BRDT: variants seen among roughly 807,000 people sequenced by gnomAD.
The protein encoded by BRDT is bromodomain testis associated.
In BRDT, 77 loss-of-function variants were observed where a neutral mutation model predicts 113.9. The ratio of observed to expected loss-of-function variants is 0.68; its 90% CI spans 0.56 to 0.82. The LOEUF is 0.82. Ranked by LOEUF, BRDT falls within the 40% of genes least tolerant of loss-of-function variation. The probability of loss-of-function intolerance (pLI) is 0.00; values close to 1 mark genes in which losing one functional copy is unlikely to be tolerated. For synonymous variants in BRDT, 358 were observed against 366.5 expected (o/e 0.98, Z 0.26); for missense variants, 1,027 against 1,105.4 (o/e 0.93, Z 1.01).
chr1:92,002,343 G>C (rs1413323871), intron 16 of BRDT, among the ~76,000 whole-genome samples, 194 bp downstream of exon 16: 1 of 151,766 alleles, frequency 6.6e-6, no homozygotes, highest in African/African-American at 2.4e-5. Context: ...ACCTATCATT[G>C]GTCCTCTTGT....
intron 2 of BRDT, 46 bp from the exon 3 acceptor site, chr1:91,964,581 A>T: frequency 8.5e-7 from 1 of 1,179,014 alleles, no homozygotes; most frequent in Admixed American, 2.5e-5. Context: ...CAATAGTTGT[A>T]GTGTATTCAT....
At chr1:91,987,892 C>A (rs1685406513) in intron 12 of BRDT, among the ~76,000 whole-genome samples, 1 of 152,048 alleles carries the variant, frequency 6.6e-6, no homozygotes, top group Non-Finnish European at 1.5e-5. Context: ...CAGTTTCACC[C>A]AGGCTGGAGT....
chr1:91,991,991 CAAAAAAAAAAAAAA>C (rs764759925), intron 13 of BRDT, among the ~76,000 whole-genome samples: 7 of 67,740 alleles, frequency 1.0e-4, no homozygotes, highest in South Asian at 7.8e-4. Context: ...GACTCTGTCT[CAAAAAAAAAAAAAA>C]AAAAAAAAAA....
chr1:91,961,544 G>A (rs1467713828), intron 1 of BRDT, among the ~76,000 whole-genome samples: 7 of 151,662 alleles, frequency 4.6e-5, no homozygotes, highest in Non-Finnish European at 7.4e-5. Context: ...CTAGAGAATC[G>A]CTTGAACCTG....
chr1:91,972,423 A>C (rs1683716592), intron 4 of BRDT, among the ~76,000 whole-genome samples: 1 of 152,178 alleles, frequency 6.6e-6, no homozygotes, highest in Non-Finnish European at 1.5e-5. Flanking sequence ...AACACTTAGC[A>C]TCACTTGTAC....
chr1:91,957,336 A>G (rs1681889753), intron 1 of BRDT, among the ~76,000 whole-genome samples: 1 of 152,150 alleles, frequency 6.6e-6, no homozygotes, highest in African/African-American at 2.4e-5. Context: ...TACTAAAAAT[A>G]CAAAAAACTA....
At chr1:91,968,385 A>C in intron 4 of BRDT, 125 bp downstream of exon 4, 1 of 1,346,542 alleles carries the variant, frequency 7.4e-7, no homozygotes, top group Non-Finnish European at 9.9e-7. Context: ...CTATTAATAA[A>C]AAATGTCCAT....
chr1:91,958,081 G>A (rs577389735), intron 1 of BRDT, among the ~76,000 whole-genome samples: 1 of 152,282 alleles, frequency 6.6e-6, no homozygotes, highest in African/African-American at 2.4e-5. Flanking sequence ...GACCTCAAAT[G>A]ATCCACCTGC....
intron 18 of BRDT, among the ~76,000 whole-genome samples, chr1:92,013,772 C>T (rs1688000954): frequency 6.6e-6 from 1 of 152,194 alleles, no homozygotes; most frequent in African/African-American, 2.4e-5. Context: ...ATAGTTTTAG[C>T]ATTACATATT....
Position 91,979,570 on chromosome 1 carries a change from A to G in BRDT, c.1100A>G (p.Asp367Gly), listed in dbSNP as rs758328051. ...TAACAAACTAATTTTTCATTACAGG[A>G]TGTTTTCGAAACGCATTTTTCAAAG... is the stretch of plus-strand genomic sequence containing the variant. The part of the protein sequence containing the change: ...EVVTMARMLQ[D>G]VFETHFSKIP... The change falls in exon 8 of 19, where the codon GAT becomes GGT. Residue 367 changes from aspartate (D) to glycine (G), a missense_variant and splice_region_variant. Transcript: ENST00000399546. 6.2e-6 allele frequency: 10 copies of G among 1,606,490 alleles called. No homozygotes were observed. The South Asian group carries it at 1.0e-4, about 16-fold the overall frequency.
chr1:91,973,853 T>C (rs968049819), intron 4 of BRDT, among the ~76,000 whole-genome samples: 1 of 152,168 alleles, frequency 6.6e-6, no homozygotes, highest in Non-Finnish European at 1.5e-5. Context: ...CCCTGTCTTG[T>C]GCAAGTTTTC....
intron 1 of BRDT, among the ~76,000 whole-genome samples, chr1:91,960,213 T>C (rs765235781): frequency 2.6e-5 from 4 of 152,098 alleles, no homozygotes; most frequent in Non-Finnish European, 5.9e-5. Context: ...TCCAAAAGAA[T>C]TGAAAGCAGG....
chr1:91,987,847 T>G lies in BRDT; in HGVS notation c.2003-3337T>G, dbSNP rs1179866547. On this transcript the variant is annotated intron_variant, in intron 12 of 18. Coordinates refer to ENST00000399546, the MANE Select transcript of BRDT (RefSeq NM_207189.4). ...GCAGATCTTTTTTTAGTTCTATGGG[T>G]TTTTTTTGTTTTGTTTTGTTGAGAC... Among the ~76,000 whole-genome samples the G allele has an allele frequency of 4.0e-5, 6 of 151,710 alleles. No individual in the cohort carries two copies. The South Asian group carries it at 6.3e-4, about 16-fold the overall frequency.
At chr1:91,967,385 G>A (rs1467903019) in intron 3 of BRDT, among the ~76,000 whole-genome samples, 8 of 143,710 alleles carry the variant, frequency 5.6e-5, no homozygotes, top group African/African-American at 1.8e-4. Context: ...ACAGGCATGC[G>A]CAACCGCACC....
intron 1 of BRDT, among the ~76,000 whole-genome samples, chr1:91,951,359 T>C (rs1211882175): frequency 1.3e-5 from 2 of 152,008 alleles, no homozygotes; most frequent in Admixed American, 6.6e-5. Flanking sequence ...GGATGGAGAA[T>C]AGGAAAACAG....
Position 91,978,186 on chromosome 1 carries a change from G to C in BRDT, c.988G>C (p.Glu330Gln). ...AATTTAGGAGAAAATGGATAACCAA[G>C]AATATAAGGATGCATACAAATTTGC... Reference protein sequence around the residue: ...GTIKEKMDNQEYKDAYKFAAD... With the variant: ...GTIKEKMDNQQYKDAYKFAAD... Residue 330 changes from glutamate to glutamine, a missense_variant, in exon 7 of 19, where the codon GAA becomes CAA. Transcript: ENST00000399546. 1 of 1,613,026 alleles carries C rather than the reference G, an allele frequency of 6.2e-7. No homozygotes were observed. The highest frequency in any genetic ancestry group is 8.5e-7 in the Non-Finnish European group (1 of 1,179,284).
At chr1:91,956,776 C>T (rs544063427) in intron 1 of BRDT, among the ~76,000 whole-genome samples, 1 of 151,950 alleles carries the variant, frequency 6.6e-6, no homozygotes, top group Admixed American at 6.6e-5. Flanking sequence ...TGGCTCCCCC[C>T]CTTTCCTGAA....
chr1:91,983,799 A>G (rs1217951483), intron 12 of BRDT, among the ~76,000 whole-genome samples: 1 of 151,390 alleles, frequency 6.6e-6, no homozygotes, highest in Non-Finnish European at 1.5e-5. Context: ...CTCCTACCGC[A>G]GTCTCCCAAG....
chr1:91,965,244 C>CT (rs749246215), intron 3 of BRDT, among the ~76,000 whole-genome samples: 7 of 151,964 alleles, frequency 4.6e-5, no homozygotes, highest in Non-Finnish European at 1.0e-4. Context: ...AAGGACAATA[C>CT]TTTTTCACTG....
Sources: gnomAD v4.1 joint callset for allele counts (sites outside exome capture counted in the v4.1 genomes callset) on GRCh38, gnomAD v4.1.1 for gene constraint, MANE v1.5 for transcripts, NCBI Gene and HGNC (gene_info 2026-07-23, HGNC 2026-07-21) for gene names.